The following STIL variants were observed in gnomAD, a reference collection of about 807,000 sequenced individuals.
The protein encoded by STIL is STIL centriolar assembly protein.
STIL carries 55 observed loss-of-function variants against 110.1 expected under a neutral mutation model. The observed-to-expected ratio is 0.50, with a 90% CI of 0.40 to 0.63. The LOEUF is 0.63. Ranked by LOEUF, STIL falls within the 20% of genes least tolerant of loss-of-function variation. The pLI is 0.00. For synonymous variants in STIL, 481 were observed against 530.0 expected, an observed-to-expected ratio of 0.91 and a Z score of 1.27; for missense variants, 1,358 against 1,530.0, an observed-to-expected ratio of 0.89 and a Z score of 1.87.
chr1:47,267,865 G>A (rs1644700898), intron 14 of STIL, among the ~76,000 whole-genome samples: 1 of 151,666 alleles, frequency 6.6e-6, no homozygotes, highest in African/African-American at 2.4e-5. Context: ...GTGCACCACC[G>A]TGCCCAGTTA....
At chr1:47,284,228 A>T (rs1048219032) in intron 10 of STIL, among the ~76,000 whole-genome samples, 1 of 152,120 alleles carries the variant, frequency 6.6e-6, no homozygotes, top group African/African-American at 2.4e-5. Context: ...TACCCAAGGG[A>T]AAAAAGGAAA....
At position 47,296,112 on chromosome 1, in the gene STIL, G is replaced by T. The variant is rs1645635584; in HGVS notation, c.702-264C>A. On this transcript the variant is annotated intron_variant, in intron 6 of 16. Transcript: ENST00000371877. ...ATTATACACCTTTTTTAAAAGTTTT[G>T]CTCTATAACTTTACTTACAATTTAC... is the stretch of plus-strand genomic sequence containing the variant. Among the ~76,000 whole-genome samples the T allele has an allele frequency of 2.0e-5, 3 of 152,092 alleles. No homozygotes were observed. The South Asian group carries it at 6.2e-4, about 31-fold the overall frequency.
intron 7 of STIL, among the ~76,000 whole-genome samples, chr1:47,295,479 C>T (rs1232209739): frequency 6.6e-6 from 1 of 151,990 alleles, no homozygotes; most frequent in Non-Finnish European, 1.5e-5. Flanking sequence ...ACTTAGGAGG[C>T]TGAAGCACGA....
At chr1:47,271,291 G>T (rs1284636631) in intron 13 of STIL, among the ~76,000 whole-genome samples, 1 of 152,088 alleles carries the variant, frequency 6.6e-6, no homozygotes, top group Non-Finnish European at 1.5e-5. Flanking sequence ...AAAGTAGCCT[G>T]GGCACAGTGG....
Position 47,262,818 on chromosome 1 carries a change from C to T in STIL, c.2829+85G>A, listed in dbSNP as rs149535653. The T allele has an allele frequency of 8.1e-4, 1,003 of 1,243,244 alleles. 6 individuals carry two copies. The African/African-American group carries it at 0.013, about 17-fold the overall frequency. The allele number at this position is 1,243,244 out of a possible 1,614,324, so 77.0% of individuals were successfully genotyped here. A position where few individuals can be genotyped will look rare whatever the true frequency, so the allele number is the denominator to read the frequency against. On this transcript the variant is annotated intron_variant, in intron 15 of 16. Transcript: ENST00000371877. ...AATCTTTTTATCTTAAGGTCTCAAT[C>T]AGTTTAAACCTAGGAAAAGCTTAAC...
chr1:47,270,237 AAAAAATAT>A (rs755655885), intron 13 of STIL, among the ~76,000 whole-genome samples: 1 of 103,182 alleles, frequency 9.7e-6, no homozygotes. Context: ...CAAAAAAAAA[AAAAAATAT>A]ATATATATAT....
In STIL at chr1:47,306,112, CCT is replaced by C. The variant is rs759753040; in HGVS notation, c.45-1118_45-1117del. On this transcript the variant is annotated intron_variant, in intron 2 of 16. Transcript: ENST00000371877. ...GGCACTCAAAATTTGGCTTATTTGT[CCT>C]TTTTTATCTATGCATATGTAAATTT... Among the ~76,000 whole-genome samples the C allele has an allele frequency of 3.2e-4, 49 of 152,042 alleles. 1 individual carries two copies. Among genetic ancestry groups the C allele is most frequent in the Non-Finnish European group, 5.6e-4 (38 of 67,998 alleles).
At chr1:47,288,078 T>C (rs1393100073) in intron 9 of STIL, among the ~76,000 whole-genome samples, 1 of 148,152 alleles carries the variant, frequency 6.7e-6, no homozygotes, top group Non-Finnish European at 1.5e-5. Flanking sequence ...AATATTAAAA[T>C]ATATATTTAT....
At chr1:47,283,421 A>G (rs1244618496) in intron 10 of STIL, 1 of 152,284 alleles carries the variant, frequency 6.6e-6, no homozygotes, top group Non-Finnish European at 1.5e-5. Context: ...CTCTTCTCCA[A>G]CACCCAAGGC....
At chr1:47,293,306 C>A in intron 8 of STIL, 152 bp downstream of exon 8, 1 of 596,748 alleles carries the variant, frequency 1.7e-6, no homozygotes, top group Admixed American at 3.1e-5. Context: ...GTTTTATTCT[C>A]ATTTAATATA....
At chr1:47,276,002 C>CT (rs11481235) in intron 12 of STIL, among the ~76,000 whole-genome samples, 111,633 of 146,886 alleles carry the variant, frequency 0.76, 43,037 homozygotes, top group Middle Eastern at 0.86. Flanking sequence ...ATGACTCATA[C>CT]TTTTTTTTTT....
At chr1:47,264,713 A>C (rs1165603088) in intron 14 of STIL, among the ~76,000 whole-genome samples, 1 of 152,178 alleles carries the variant, frequency 6.6e-6, no homozygotes, top group East Asian at 1.9e-4. Flanking sequence ...CCAGAGCACG[A>C]ATCAGACCAA....
chr1:47,272,993 T>C (rs1234062401), intron 12 of STIL, among the ~76,000 whole-genome samples: 1 of 152,172 alleles, frequency 6.6e-6, no homozygotes, highest in Non-Finnish European at 1.5e-5. Context: ...ACTGAGCGCC[T>C]GTTGTTTGCA....
At chr1:47,289,761 G>A (rs1338523902) in intron 8 of STIL, among the ~76,000 whole-genome samples, 176 bp from the exon 9 acceptor site, 1 of 152,056 alleles carries the variant, frequency 6.6e-6, no homozygotes, top group Non-Finnish European at 1.5e-5. Context: ...CTTGAGGCCA[G>A]GAGTTTGAGA....
intron 16 of STIL, among the ~76,000 whole-genome samples, chr1:47,258,832 T>C (rs761032824): frequency 6.6e-5 from 10 of 152,048 alleles, no homozygotes; most frequent in Non-Finnish European, 1.5e-4. Flanking sequence ...ATCATGCCAC[T>C]GCACTCCAGC....
intron 16 of STIL, among the ~76,000 whole-genome samples, chr1:47,258,992 C>CTTTTTTTTTTTTTTTT (rs549227243): frequency 0.012 from 1,169 of 94,340 alleles, 295 homozygotes; most frequent in African/African-American, 0.048. Flanking sequence ...AGTAACTTTG[C>CTTTTTTTTTTTTTTTT]TTTTTTTTTT....
At chr1:47,303,365 G>A (rs1645863225) in intron 3 of STIL, among the ~76,000 whole-genome samples, 2 of 151,998 alleles carry the variant, frequency 1.3e-5, no homozygotes, top group South Asian at 4.1e-4. Flanking sequence ...AGGAGTTCGT[G>A]ACCAGCCTGA....
chr1:47,253,196 A>T (rs1644236205), intron 16 of STIL, among the ~76,000 whole-genome samples: 1 of 152,216 alleles, frequency 6.6e-6, no homozygotes, highest in Non-Finnish European at 1.5e-5. Flanking sequence ...TCCTTACAGT[A>T]ACCTTTGTCA....
chr1:47,269,750 C>G lies in STIL; in HGVS notation c.2500G>C (p.Glu834Gln). The change falls in exon 14 of 17, where the codon GAA (glutamate) becomes CAA (glutamine). Residue 834 changes from glutamate (E) to glutamine (Q), a missense_variant. Glu to Gln is a conservative substitution (Grantham distance 29). Coordinates refer to ENST00000371877, the MANE Select transcript of STIL (RefSeq NM_001048166.1). ...DMNFSVDINN[E>Q]VTSLPGSASS... Reference sequence around the variant, plus strand: ...GCACTACCTGGAAGACTTGTGACTTCATTATTAATATCGACAGAAAAATTC... The same window carrying G: ...GCACTACCTGGAAGACTTGTGACTTGATTATTAATATCGACAGAAAAATTC... The G allele has an allele frequency of 1.2e-6, 2 of 1,614,134 alleles. No individual in the cohort carries two copies. The highest frequency in any genetic ancestry group is 1.7e-6 in the Non-Finnish European group (2 of 1,180,016).
Sources: allele counts gnomAD v4.1 joint callset (sites outside exome capture counted in the v4.1 genomes callset), GRCh38; gene constraint gnomAD v4.1.1; transcripts MANE v1.5; gene names NCBI Gene and HGNC (gene_info 2026-07-23, HGNC 2026-07-21).